RAB38: variants seen among roughly 807,000 people sequenced by gnomAD.
RAB38 encodes the protein ras-related protein Rab-38.
A neutral mutation model predicts 18.4 loss-of-function variants in RAB38; 15 were observed. The ratio of observed to expected loss-of-function variants is 0.82; its 90% confidence interval spans 0.55 to 1.26. The LOEUF (loss-of-function observed/expected upper bound fraction) is 1.26. Among genes scored for constraint, RAB38 ranks in the 50% most tolerant of loss-of-function variants. RAB38 has a pLI of 0.00. For synonymous variants in RAB38, 101 were observed against 104.4 expected (o/e 0.97, Z 0.20); for missense variants, 294 against 267.4 (o/e 1.10, Z -0.69).
At chr11:88,123,023 T>G (rs890245137) in intron 2 of RAB38, among the ~76,000 whole-genome samples, 2 of 152,212 alleles carry the variant, frequency 1.3e-5, no homozygotes, top group Non-Finnish European at 2.9e-5. Context: ...TTCATGAGAT[T>G]CTTGTTAAAC....
chr11:87,938,601 T>A, the RAB38 span, among the ~76,000 whole-genome samples: 1 of 148,142 alleles, frequency 6.8e-6, no homozygotes, highest in Non-Finnish European at 1.5e-5. Context: ...CTTTCTTTCT[T>A]CTCTGTTGCT....
chr11:87,915,701 T>A, the RAB38 span, among the ~76,000 whole-genome samples: 1 of 152,154 alleles, frequency 6.6e-6, no homozygotes, highest in African/African-American at 2.4e-5. Context: ...AGCCATTTTT[T>A]AATTGCTTTA....
downstream of RAB38, among the ~76,000 whole-genome samples, chr11:88,110,633 T>C (rs1473677398): frequency 6.7e-6 from 1 of 150,126 alleles, no homozygotes; most frequent in African/African-American, 2.5e-5. Context: ...CCTGGCCAAT[T>C]TGTTGAAACC....
chr11:88,136,028 C>T (rs772837576), intron 2 of RAB38, among the ~76,000 whole-genome samples: 114 of 152,306 alleles, frequency 7.5e-4, no homozygotes, highest in Non-Finnish European at 1.4e-3. Flanking sequence ...AAAGTGACTC[C>T]ACTTCATTTA....
the RAB38 span, among the ~76,000 whole-genome samples, chr11:87,858,181 T>C: frequency 1.3e-5 from 2 of 152,126 alleles, no homozygotes; most frequent in African/African-American, 4.8e-5. Flanking sequence ...TGTAGGTGTG[T>C]CATATTATTT....
At chr11:87,855,380 A>G in the RAB38 span, among the ~76,000 whole-genome samples, 2 of 152,080 alleles carry the variant, frequency 1.3e-5, no homozygotes, top group African/African-American at 2.4e-5. Flanking sequence ...TTCCATTTCA[A>G]CCAGACCCCT....
chr11:88,056,864 A>T, the RAB38 span, among the ~76,000 whole-genome samples: 3 of 149,660 alleles, frequency 2.0e-5, no homozygotes, highest in East Asian at 4.1e-4. Context: ...TACATACATA[A>T]AATTGTCATG....
chr11:88,133,080 C>T (rs1433281802), intron 2 of RAB38, among the ~76,000 whole-genome samples: 1 of 152,082 alleles, frequency 6.6e-6, no homozygotes, highest in African/African-American at 2.4e-5. Context: ...ATCCCATGCT[C>T]TGTTCAGTCT....
At chr11:88,095,207 G>A in the RAB38 span, among the ~76,000 whole-genome samples, 1 of 151,814 alleles carries the variant, frequency 6.6e-6, no homozygotes, top group Non-Finnish European at 1.5e-5. Flanking sequence ...CAAAATGAAA[G>A]CTCTGTATTT....
At chr11:88,124,056 T>A (rs922717031) in intron 2 of RAB38, among the ~76,000 whole-genome samples, 4 of 152,224 alleles carry the variant, frequency 2.6e-5, no homozygotes, top group Non-Finnish European at 5.9e-5. Context: ...TCTGCCAGCA[T>A]TGTTAGAATA....
chr11:88,080,794 A>G, the RAB38 span, among the ~76,000 whole-genome samples: 2 of 137,756 alleles, frequency 1.5e-5, no homozygotes, highest in African/African-American at 5.3e-5. Flanking sequence ...TCATTTTTCC[A>G]TCAAGGCAGC....
At chr11:88,119,991 C>T (rs1942609948) in intron 2 of RAB38, among the ~76,000 whole-genome samples, 1 of 152,156 alleles carries the variant, frequency 6.6e-6, no homozygotes, top group African/African-American at 2.4e-5. Context: ...TATTAATCAT[C>T]ATTAACACCT....
chr11:87,963,193 A>T, the RAB38 span, among the ~76,000 whole-genome samples: 19 of 152,198 alleles, frequency 1.2e-4, no homozygotes, highest in African/African-American at 3.6e-4. Context: ...CACATATAAT[A>T]CACACATACA....
the RAB38 span, among the ~76,000 whole-genome samples, chr11:87,955,902 CACAA>C: frequency 7.1e-6 from 1 of 140,724 alleles, no homozygotes; most frequent in Middle Eastern, 3.6e-3. Flanking sequence ...CACACACACA[CACAA>C]GTAGGACAGA....
the RAB38 span, among the ~76,000 whole-genome samples, chr11:87,962,880 T>C: frequency 6.6e-6 from 1 of 152,190 alleles, no homozygotes; most frequent in Non-Finnish European, 1.5e-5. Flanking sequence ...CATTCTACAT[T>C]ATATACATAT....
chr11:87,937,311 C>CATATATATATATATATAT, the RAB38 span, among the ~76,000 whole-genome samples: 50 of 82,680 alleles, frequency 6.0e-4, 2 homozygotes, highest in African/African-American at 1.3e-3. Flanking sequence ...ACTTGGTCAT[C>CATATATATATATATATAT]ATATATATAT....
At chr11:87,813,499 TCACACACACACACACACACA>T in the RAB38 span, among the ~76,000 whole-genome samples, 9 of 146,846 alleles carry the variant, frequency 6.1e-5, no homozygotes, top group Non-Finnish European at 1.2e-4. Context: ...ATCATACACA[TCACACACACACACACACACA>T]CACACACACA....
the RAB38 span, among the ~76,000 whole-genome samples, chr11:87,934,583 C>G: frequency 6.6e-6 from 1 of 152,046 alleles, no homozygotes; most frequent in African/African-American, 2.4e-5. Flanking sequence ...TCGTGCAATG[C>G]TAAATTACTT....
the RAB38 span, among the ~76,000 whole-genome samples, chr11:87,857,438 C>T: frequency 6.6e-6 from 1 of 152,210 alleles, no homozygotes. Flanking sequence ...GGAATCGCCA[C>T]ACTGTCTTCC....
Sources: gnomAD v4.1 joint callset for allele counts (sites outside exome capture counted in the v4.1 genomes callset) on GRCh38, gnomAD v4.1.1 for gene constraint, MANE v1.5 for transcripts, NCBI Gene and HGNC (gene_info 2026-07-23, HGNC 2026-07-21) for gene names.